PMEPA1: variants seen among roughly 807,000 people sequenced by gnomAD.
PMEPA1 encodes prostate transmembrane protein, androgen induced 1.
In PMEPA1, 11 loss-of-function variants were observed where a neutral mutation model predicts 23.0. That is an observed-to-expected ratio of 0.48 (90% CI 0.30 to 0.79). PMEPA1 has a LOEUF of 0.79. PMEPA1 is among the 30% of genes least tolerant of loss of function. The pLI is 0.06. For synonymous variants in PMEPA1, 204 were observed against 166.4 expected (o/e 1.23, Z -1.74); for missense variants, 377 against 390.9 (o/e 0.96, Z 0.30).
chr20:57,686,591 G>T (rs1321026278), intron 1 of PMEPA1, among the ~76,000 whole-genome samples: 2 of 152,204 alleles, frequency 1.3e-5, no homozygotes, highest in African/African-American at 4.8e-5. Context: ...CTGTTGTGAG[G>T]ATTAAATGCC....
At position 57,683,349 on chromosome 20, in the gene PMEPA1, T is replaced by G. The variant is rs1046695144; in HGVS notation, c.110-23652A>C. ...TCTATGCCATGCTGGCCTGGTGACT[T>G]GGGTTAATATAATCATTTTCCTTTA... On this transcript the variant is annotated intron_variant, in intron 1 of 3. Coordinates refer to ENST00000341744, the MANE Select transcript of PMEPA1 (RefSeq NM_020182.5). The surrounding 1 kb of genome is among the most constrained non-coding windows in gnomAD (Gnocchi z 4.3). 2.0e-5 allele frequency among the ~76,000 whole-genome samples: 3 copies of G among 152,190 alleles called. No individual in the cohort carries two copies. The highest frequency in any genetic ancestry group is 2.0e-4 in the Admixed American group (3 of 15,282).
intron 1 of PMEPA1, among the ~76,000 whole-genome samples, chr20:57,697,466 A>AATACTGGCTGGATTC (rs760304119): frequency 6.6e-6 from 1 of 152,246 alleles, no homozygotes; most frequent in Non-Finnish European, 1.5e-5. Flanking sequence ...CAGCTCAATA[A>AATACTGGCTGGATTC]ATACTGGCTG....
chr20:57,700,826 G>C (rs1289199604), intron 1 of PMEPA1, among the ~76,000 whole-genome samples: 1 of 152,140 alleles, frequency 6.6e-6, no homozygotes, highest in African/African-American at 2.4e-5. Context: ...TCAGGAGTTT[G>C]AGACCAGCCT....
At chr20:57,703,964 A>G (rs973648464) in intron 1 of PMEPA1, among the ~76,000 whole-genome samples, 1 of 152,112 alleles carries the variant, frequency 6.6e-6, no homozygotes, top group African/African-American at 2.4e-5. Context: ...AGGGGGGCAC[A>G]AAGGGGACAC....
At position 57,652,336 on chromosome 20, in the gene PMEPA1, CTGTCGAAGATG is replaced by C; in HGVS notation, c.570_580del (p.Ile191Ter). The C allele has an allele frequency of 6.2e-7, 1 of 1,612,732 alleles. No homozygotes were observed. Among genetic ancestry groups the C allele is most frequent in the Non-Finnish European group, 8.5e-7 (1 of 1,179,884 alleles). On this transcript the variant is annotated frameshift_variant, in exon 4 of 4. Coordinates refer to ENST00000341744, the MANE Select transcript of PMEPA1 (RefSeq NM_020182.5). LOFTEE classifies it high-confidence loss of function. The surrounding 1 kb of genome is among the most constrained non-coding windows in gnomAD (Gnocchi z 6.1). ...CAGCCTGGCACTATCCATCAGGTCA[CTGTCGAAGATG>C]GTTCTGTTTGGGGGTGCGCGCACCG...
chr20:57,691,340 G>A (rs2071879300), intron 1 of PMEPA1, among the ~76,000 whole-genome samples: 1 of 152,142 alleles, frequency 6.6e-6, no homozygotes, highest in South Asian at 2.1e-4. Context: ...CAACTCTTCC[G>A]AAGGTCCCTC....
chr20:57,673,445 C>T (rs1296030544), intron 1 of PMEPA1, among the ~76,000 whole-genome samples: 2 of 152,190 alleles, frequency 1.3e-5, no homozygotes, highest in African/African-American at 4.8e-5. Context: ...TTGCTGCCAT[C>T]GTTGGTGTGG....
In PMEPA1 at chr20:57,664,888, T is replaced by C. The variant is rs112931058; in HGVS notation, c.110-5191A>G. 1.9e-4 allele frequency among the ~76,000 whole-genome samples: 29 copies of C among 152,322 alleles called. 1 individual carries two copies. Among genetic ancestry groups the C allele is most frequent in the African/African-American group, 6.7e-4 (28 of 41,578 alleles). On this transcript the variant is annotated intron_variant, in intron 1 of 3. Coordinates refer to ENST00000341744, the MANE Select transcript of PMEPA1 (RefSeq NM_020182.5). ...GCCAAGAGTTGGGCCCCAGGTCACT[T>C]AGTGACTACTGGCAGATATGGAGCC... is the stretch of plus-strand genomic sequence containing the variant.
intron 1 of PMEPA1, among the ~76,000 whole-genome samples, chr20:57,685,013 A>C (rs2071782098): frequency 6.6e-6 from 1 of 152,154 alleles, no homozygotes; most frequent in Non-Finnish European, 1.5e-5. Context: ...AAGGAGAGGA[A>C]GAATGGCTGA....
At chr20:57,666,914 G>A (rs2071500957) in intron 1 of PMEPA1, among the ~76,000 whole-genome samples, 1 of 152,254 alleles carries the variant, frequency 6.6e-6, no homozygotes, top group Admixed American at 6.5e-5. Context: ...ACAGGCGAGG[G>A]GACGGGCCTG....
In PMEPA1 at chr20:57,659,707, CAA is replaced by C. The variant is rs1411334199; in HGVS notation, c.110-12_110-11del. The C allele has an allele frequency of 1.3e-6, 2 of 1,560,864 alleles. No individual in the cohort carries two copies. The highest frequency in any genetic ancestry group is 1.2e-5 in the South Asian group (1 of 84,818). ...ACAAACTCCAGCTCCGCTGTGGAGA[CAA>C]AGAGGGACACGTGAGACCCTGGACA... On this transcript the variant is annotated splice_polypyrimidine_tract_variant and intron_variant, in intron 1 of 3. Transcript: ENST00000341744.
intron 1 of PMEPA1, among the ~76,000 whole-genome samples, chr20:57,687,419 A>G (rs1029143430): frequency 2.0e-5 from 3 of 152,184 alleles, no homozygotes; most frequent in African/African-American, 7.2e-5. Context: ...GTCAGGAAAG[A>G]ACCCAGGTGC....
chr20:57,699,070 C>A (rs1467128810), intron 1 of PMEPA1, among the ~76,000 whole-genome samples: 1 of 152,178 alleles, frequency 6.6e-6, no homozygotes, highest in East Asian at 1.9e-4. Context: ...AAATTCTGAG[C>A]CTCCCTAAAG....
chr20:57,664,303 C>T (rs2071463045), intron 1 of PMEPA1, among the ~76,000 whole-genome samples: 3 of 152,180 alleles, frequency 2.0e-5, no homozygotes, highest in Admixed American at 2.0e-4. Flanking sequence ...GCCTGAGACT[C>T]AGCATGCGGG....
intron 1 of PMEPA1, among the ~76,000 whole-genome samples, chr20:57,706,278 C>T (rs1053675674): frequency 2.0e-5 from 3 of 152,066 alleles, no homozygotes; most frequent in African/African-American, 7.2e-5. Flanking sequence ...GAGGCAATAA[C>T]CAGAGGAGAA....
At chr20:57,692,258 A>T (rs1409391477) in intron 1 of PMEPA1, among the ~76,000 whole-genome samples, 1 of 152,202 alleles carries the variant, frequency 6.6e-6, no homozygotes, top group African/African-American at 2.4e-5. Flanking sequence ...GAGGAGACGC[A>T]ACCCCGAGGA....
Position 57,684,344 on chromosome 20 carries a change from G to A in PMEPA1, c.110-24647C>T, listed in dbSNP as rs1290263279. Among the ~76,000 whole-genome samples, 4 of 152,238 alleles carry A rather than the reference G, an allele frequency of 2.6e-5. No individual in the cohort carries two copies. The East Asian group carries it at 5.8e-4, about 22-fold the overall frequency. On this transcript the variant is annotated intron_variant, in intron 1 of 3. Transcript: ENST00000341744. ...TCTCCACCCCGCAGCCCTCGCTCCA[G>A]AAGGGAACTCGGAAGCCTGCTTCCC...
At chr20:57,671,177 C>G (rs1052395988) in intron 1 of PMEPA1, among the ~76,000 whole-genome samples, 4 of 152,202 alleles carry the variant, frequency 2.6e-5, no homozygotes, top group African/African-American at 9.7e-5. Context: ...CATCGAACAC[C>G]TTTAAACATC....
At chr20:57,659,394 A>C in intron 2 of PMEPA1, 149 bp downstream of exon 2, 1 of 771,386 alleles carries the variant, frequency 1.3e-6, no homozygotes. Flanking sequence ...TCAGGGGAGG[A>C]AGCTGCTGTC....
Sources: gnomAD v4.1 joint callset for allele counts (sites outside exome capture counted in the v4.1 genomes callset) on GRCh38, gnomAD v4.1.1 for gene constraint, Gnocchi (gnomAD v3.1) non-coding constraint, MANE v1.5 for transcripts, NCBI Gene and HGNC (gene_info 2026-07-23, HGNC 2026-07-21) for gene names.